Variants in ST3GAL6 observed in about 807,000 individuals in gnomAD.
The protein encoded by ST3GAL6 is type 2 lactosamine alpha-2,3-sialyltransferase.
A neutral mutation model predicts 40.5 loss-of-function variants in ST3GAL6; 31 were observed. The ratio of observed to expected loss-of-function variants is 0.77; its 90% confidence interval spans 0.58 to 1.03. The LOEUF is 1.03. Ranked by LOEUF, ST3GAL6 falls within the 50% of genes least tolerant of loss-of-function variation. The probability of loss-of-function intolerance (pLI) is 0.00; values close to 1 mark genes in which losing one functional copy is unlikely to be tolerated. For synonymous variants in ST3GAL6, 129 were observed against 136.9 expected, an observed-to-expected ratio of 0.94 and a Z score of 0.40; for missense variants, 357 against 393.2, an observed-to-expected ratio of 0.91 and a Z score of 0.78.
rs1559714640 is a variant in ST3GAL6, at chr3:98,733,705, GTGTGCTGTT to G, written c.-12+1174_-12+1182del. ...CCCGGCAATCTCAAGCCTCTTTCTT[GTGTGCTGTT>G]ATTTTGGCTTAAAAGAAAACCTATA... On this transcript the variant is annotated intron_variant, in intron 1 of 9. Transcript: ENST00000265261. The G allele has an allele frequency of 1.8e-3, 1,220 of 684,000 alleles. 13 individuals carry two copies. In the African/African-American group the frequency reaches 0.023, roughly 13 times the overall value. The allele number at this position is 684,000 out of a possible 1,614,324, so 42.4% of individuals were successfully genotyped here.
At chr3:98,764,614 A>G (rs536130527) in intron 1 of ST3GAL6, among the ~76,000 whole-genome samples, 6 of 152,332 alleles carry the variant, frequency 3.9e-5, no homozygotes, top group East Asian at 1.9e-4. Context: ...AGGGGGAGGT[A>G]GTATAACGCA....
At chr3:98,763,150 A>T (rs190971334), upstream of ST3GAL6, 12 of 985,328 alleles carry the variant, frequency 1.2e-5, no homozygotes, top group East Asian at 1.4e-3. Flanking sequence ...GGCTTAGGGG[A>T]CCTATGAGGC....
rs771574474 is a variant in ST3GAL6, at chr3:98,768,539, AT to A, written c.89+14del. On this transcript the variant is annotated intron_variant, in intron 2 of 9. Coordinates refer to ENST00000483910, the MANE Select transcript of ST3GAL6 (RefSeq NM_001323368.2). Reference sequence around the variant, plus strand: ...GAACGAATGTCTATTGGTAAGTTTCATTTTGTTATTTAAAAATAACTCTCAA... The same window carrying A: ...GAACGAATGTCTATTGGTAAGTTTCATTTGTTATTTAAAAATAACTCTCAA... 2.0e-5 allele frequency: 31 copies of A among 1,582,252 alleles called. No homozygotes were observed. Among genetic ancestry groups the A allele is most frequent in the Non-Finnish European group, 2.7e-5 (31 of 1,151,992 alleles).
chr3:98,756,663 G>A (rs183423380), intron 1 of ST3GAL6: 17 of 829,518 alleles, frequency 2.0e-5, no homozygotes, highest in Non-Finnish European at 2.3e-5. Flanking sequence ...ATGAATACAG[G>A]TGCCTGCTAT....
intron 1 of ST3GAL6, among the ~76,000 whole-genome samples, chr3:98,736,712 T>C (rs1341703426): frequency 6.6e-6 from 1 of 152,188 alleles, no homozygotes; most frequent in East Asian, 1.9e-4. Flanking sequence ...GTGGGTGGGG[T>C]TGGGAGCGTG....
chr3:98,789,901 C>T (rs1358696186), intron 8 of ST3GAL6, among the ~76,000 whole-genome samples: 3 of 152,184 alleles, frequency 2.0e-5, no homozygotes, highest in African/African-American at 7.2e-5. Flanking sequence ...CCCAGTAGGA[C>T]ATGGTGTCCC....
At chr3:98,755,923 TCTC>T (rs561994797) in intron 1 of ST3GAL6, among the ~76,000 whole-genome samples, 97 of 152,244 alleles carry the variant, frequency 6.4e-4, no homozygotes, top group African/African-American at 2.2e-3. Flanking sequence ...TTCTTCTTGA[TCTC>T]CTCCTCATTC....
chr3:98,750,935 G>C (rs776310571), intron 1 of ST3GAL6, among the ~76,000 whole-genome samples: 22 of 152,234 alleles, frequency 1.4e-4, no homozygotes, highest in Middle Eastern at 6.8e-3. Flanking sequence ...TGACTAGGCT[G>C]TCTTGTTTCC....
At chr3:98,756,633 A>C (rs1312054913) in intron 1 of ST3GAL6, 2 of 1,041,024 alleles carry the variant, frequency 1.9e-6, no homozygotes, top group Non-Finnish European at 2.4e-6. Flanking sequence ...CTTGTGGGTG[A>C]TGTTAAAATC....
chr3:98,779,920 G>C (rs1289941461), intron 5 of ST3GAL6, among the ~76,000 whole-genome samples: 2 of 152,224 alleles, frequency 1.3e-5, no homozygotes, highest in African/African-American at 4.8e-5. Flanking sequence ...AAGTGTTGTA[G>C]ATGGGAGGAT....
exon 1 of ST3GAL6, chr3:98,732,382 C>G (rs555097463): frequency 2.0e-5 from 3 of 153,194 alleles, no homozygotes; most frequent in African/African-American, 7.2e-5. Context: ...CAAACCAGGG[C>G]GGGATGGGAG....
chr3:98,754,518 G>A (rs546082307), intron 1 of ST3GAL6, among the ~76,000 whole-genome samples: 1 of 152,330 alleles, frequency 6.6e-6, no homozygotes, highest in South Asian at 2.1e-4. Flanking sequence ...TGACAACAAA[G>A]GGTTAGGAAT....
chr3:98,761,222 A>C (rs1394989439), upstream of ST3GAL6, among the ~76,000 whole-genome samples: 2 of 152,288 alleles, frequency 1.3e-5, no homozygotes, highest in East Asian at 3.9e-4. Context: ...AGGCAGGAGG[A>C]TTACTTGAGC....
At chr3:98,769,906 T>C (rs541993473) in intron 2 of ST3GAL6, among the ~76,000 whole-genome samples, 1 of 152,328 alleles carries the variant, frequency 6.6e-6, no homozygotes, top group South Asian at 2.1e-4. Context: ...AGTGTGCTGG[T>C]CCACCATATT....
chr3:98,768,611 G>GA (rs1938631492), intron 2 of ST3GAL6, 82 bp downstream of exon 2: 1 of 1,024,192 alleles, frequency 9.8e-7, no homozygotes, highest in African/African-American at 1.6e-5. Context: ...AGGGTCCTAT[G>GA]AAAAAAACTT....
chr3:98,773,001 T>C, intron 4 of ST3GAL6, 85 bp downstream of exon 4: 1 of 779,296 alleles, frequency 1.3e-6, no homozygotes. Flanking sequence ...TTAAGGGCTT[T>C]TATTCTTTCT....
At chr3:98,771,787 A>G (rs547970010) in intron 3 of ST3GAL6, among the ~76,000 whole-genome samples, 37 of 152,196 alleles carry the variant, frequency 2.4e-4, no homozygotes, top group Non-Finnish European at 4.7e-4. Flanking sequence ...TAGCCTTTCC[A>G]GGGGTGTGCG....
chr3:98,735,142 C>T (rs533481757), intron 1 of ST3GAL6, among the ~76,000 whole-genome samples: 3 of 152,298 alleles, frequency 2.0e-5, no homozygotes, highest in Admixed American at 6.5e-5. Context: ...CCTGACAAAA[C>T]TCCTGCAAGA....
Position 98,732,641 on chromosome 3 carries a change from G to A in ST3GAL6, c.-12+109G>A, listed in dbSNP as rs545774359. On this transcript the variant is annotated intron_variant, in intron 1 of 9. Coordinates refer to the ST3GAL6 transcript ENST00000265261. Reference sequence around the variant, plus strand: ...CTCCTCGAATTTGGGGGCGGCCACCGTGCAACTGGCGCCAGCCGCGGAGCA... The same window carrying A: ...CTCCTCGAATTTGGGGGCGGCCACCATGCAACTGGCGCCAGCCGCGGAGCA... 1.9e-3 allele frequency: 920 copies of A among 492,232 alleles called. 13 individuals carry two copies. The highest frequency in any genetic ancestry group is 9.0e-4 in the Admixed American group (21 of 23,256). The allele number at this position is 492,232 out of a possible 1,614,324, so 30.5% of individuals were successfully genotyped here.
Sources: allele counts gnomAD v4.1 joint callset (sites outside exome capture counted in the v4.1 genomes callset), GRCh38; gene constraint gnomAD v4.1.1; transcripts MANE v1.5; gene names NCBI Gene and HGNC (gene_info 2026-07-23, HGNC 2026-07-21).